Variants in ACCSL observed in about 807,000 individuals in gnomAD.
ACCSL encodes the protein 1-aminocyclopropane-1-carboxylate synthase homolog (inactive) like.
A neutral mutation model predicts 61.7 loss-of-function variants in ACCSL; 55 were observed. The ratio of observed to expected loss-of-function variants is 0.89; its 90% CI spans 0.72 to 1.12. The LOEUF (loss-of-function observed/expected upper bound fraction) is 1.12, where lower values mean the gene tolerates loss of function less well. ACCSL is among the 50% of genes most tolerant of loss of function. The pLI, the probability that ACCSL is intolerant of heterozygous loss-of-function variation, is 0.00. For synonymous variants in ACCSL, 258 were observed against 264.3 expected (o/e 0.98, Z 0.23); for missense variants, 632 against 698.0 (o/e 0.91, Z 1.07).
the ACCSL span, among the ~76,000 whole-genome samples, chr11:43,986,889 G>C: frequency 6.6e-6 from 1 of 152,208 alleles, no homozygotes; most frequent in Non-Finnish European, 1.5e-5. Flanking sequence ...TTGTTAATGA[G>C]ATGATGGTGA....
At chr11:43,966,999 T>G in the ACCSL span, among the ~76,000 whole-genome samples, 2 of 152,044 alleles carry the variant, frequency 1.3e-5, no homozygotes, top group Admixed American at 1.3e-4. Flanking sequence ...TTCTCTCTAG[T>G]TAACAAATCC....
At chr11:44,016,309 G>A in the ACCSL span, among the ~76,000 whole-genome samples, 2 of 152,148 alleles carry the variant, frequency 1.3e-5, no homozygotes, top group African/African-American at 4.8e-5. Flanking sequence ...ATTGCTGGCC[G>A]GCTTAGTCAC....
the ACCSL span, among the ~76,000 whole-genome samples, chr11:44,000,947 C>T: frequency 0.44 from 66,577 of 151,816 alleles, 15,198 homozygotes; most frequent in Middle Eastern, 0.56. Context: ...GCTGAGGCAC[C>T]GATAAGTTAA....
the ACCSL span, chr11:43,933,247 A>T: frequency 1.3e-5 from 6 of 449,790 alleles, no homozygotes; most frequent in South Asian, 9.4e-5. Context: ...CCCAGTCTCT[A>T]TGCTTACTAG....
At chr11:44,030,084 T>TTTTTTTTTTTTTTTTTTTA in the ACCSL span, among the ~76,000 whole-genome samples, 2 of 131,664 alleles carry the variant, frequency 1.5e-5, no homozygotes, top group Non-Finnish European at 1.6e-5. Context: ...TTTTTTTTTT[T>TTTTTTTTTTTTTTTTTTTA]AGTATAAAGG....
chr11:43,967,598 T>A, the ACCSL span, among the ~76,000 whole-genome samples: 3 of 152,330 alleles, frequency 2.0e-5, no homozygotes, highest in South Asian at 6.2e-4. Flanking sequence ...TTATGAAGAT[T>A]TATTAATCCA....
the ACCSL span, among the ~76,000 whole-genome samples, chr11:44,039,209 C>T: frequency 1.3e-5 from 2 of 152,060 alleles, no homozygotes; most frequent in African/African-American, 2.4e-5. Context: ...AGGTGCCTGC[C>T]CACAGCTAAT....
chr11:43,979,334 A>T, the ACCSL span, among the ~76,000 whole-genome samples: 13 of 152,114 alleles, frequency 8.5e-5, no homozygotes, highest in African/African-American at 2.9e-4. Context: ...CCTGTCTCAA[A>T]AAAGAAAAAA....
At chr11:44,008,925 G>T in the ACCSL span, among the ~76,000 whole-genome samples, 1 of 152,208 alleles carries the variant, frequency 6.6e-6, no homozygotes, top group South Asian at 2.1e-4. Context: ...CCAGCACTTT[G>T]GGAGGCCAAG....
At chr11:43,994,800 A>G in the ACCSL span, among the ~76,000 whole-genome samples, 1 of 151,114 alleles carries the variant, frequency 6.6e-6, no homozygotes, top group Non-Finnish European at 1.5e-5. Context: ...TGCCTGGCTA[A>G]TTTTTTTTTG....
chr11:44,035,251 AATT>A, the ACCSL span, among the ~76,000 whole-genome samples: 1 of 151,814 alleles, frequency 6.6e-6, no homozygotes, highest in Non-Finnish European at 1.5e-5. Context: ...GCTTTAGGTA[AATT>A]GCAAGAGGGT....
At chr11:44,001,775 CTGTGTGTGTGTGTGTGTGTGTGTGTG>C in the ACCSL span, among the ~76,000 whole-genome samples, 10 of 96,836 alleles carry the variant, frequency 1.0e-4, no homozygotes, top group South Asian at 1.7e-3. Flanking sequence ...GGTAAAGGGG[CTGTGTGTGTGTGTGTGTGTGTGTGTG>C]TGTGTGTGTG....
the ACCSL span, among the ~76,000 whole-genome samples, chr11:43,952,671 T>C: frequency 6.6e-6 from 1 of 152,162 alleles, no homozygotes; most frequent in Non-Finnish European, 1.5e-5. Context: ...TGTAAGCCCT[T>C]AAAAGGGACA....
chr11:43,923,493 A>G, the ACCSL span, among the ~76,000 whole-genome samples: 2 of 152,112 alleles, frequency 1.3e-5, no homozygotes, highest in South Asian at 2.1e-4. Context: ...CTGGTCTACA[A>G]CTGCCCTCTT....
chr11:44,040,277 G>A, the ACCSL span, among the ~76,000 whole-genome samples: 1 of 152,202 alleles, frequency 6.6e-6, no homozygotes, highest in Non-Finnish European at 1.5e-5. Context: ...TGGTGGTCTT[G>A]ATAAAGTACG....
chr11:44,010,936 T>G, the ACCSL span, among the ~76,000 whole-genome samples: 1 of 152,186 alleles, frequency 6.6e-6, no homozygotes. Context: ...TGAGGGTGAC[T>G]CAAGTTAGGC....
At chr11:44,050,937 GTT>G (rs1369063290) in intron 3 of ACCSL, among the ~76,000 whole-genome samples, 1 of 151,420 alleles carries the variant, frequency 6.6e-6, no homozygotes, top group African/African-American at 2.4e-5. Flanking sequence ...TGCCCCCTGG[GTT>G]CAGGCCATTC....
At chr11:44,002,973 A>G in the ACCSL span, among the ~76,000 whole-genome samples, 1 of 152,168 alleles carries the variant, frequency 6.6e-6, no homozygotes, top group South Asian at 2.1e-4. Context: ...ACCATCATGC[A>G]GGGTCACAAG....
intron 5 of ACCSL, among the ~76,000 whole-genome samples, chr11:44,052,393 G>A (rs1261897405): frequency 6.6e-6 from 1 of 152,210 alleles, no homozygotes; most frequent in East Asian, 1.9e-4. Flanking sequence ...CTTGACTTGT[G>A]CCCTGGATTC....
Sources: gnomAD v4.1 joint callset for allele counts (sites outside exome capture counted in the v4.1 genomes callset) on GRCh38, gnomAD v4.1.1 for gene constraint, MANE v1.5 for transcripts, NCBI Gene and HGNC (gene_info 2026-07-23, HGNC 2026-07-21) for gene names.